DPH7: variants seen among roughly 807,000 people sequenced by gnomAD.
DPH7 encodes the protein diphthine methyltransferase.
A neutral mutation model predicts 41.7 loss-of-function variants in DPH7; 44 were observed. That is an observed-to-expected ratio of 1.05 (90% CI 0.83 to 1.36). The LOEUF is 1.36. DPH7 is among the 40% of genes most tolerant of loss of function. The pLI, the probability that DPH7 is intolerant of heterozygous loss-of-function variation, is 0.00. For missense variants in DPH7, 629 were observed against 577.5 expected, an observed-to-expected ratio of 1.09 and a Z score of -0.91; for synonymous variants, 275 against 238.0, an observed-to-expected ratio of 1.16 and a Z score of -1.43.
At position 137,577,491 on chromosome 9, in the gene DPH7, G is replaced by T. The variant is rs1009387887; in HGVS notation, c.266C>A (p.Ser89Tyr). ...ATACCATTTCATGTCCAGGATTGCA[G>T]AAGTATCTTTTCTTTGGACCTCGAC... ...PLVEVQRKDTSAILDMKWCHI... is the reference protein window; with the variant it reads ...PLVEVQRKDTYAILDMKWCHI... The change falls in exon 2 of 9, where the codon TCT (serine) becomes TAT (tyrosine). Residue 89 changes from serine (S) to tyrosine (Y), a missense_variant. Physicochemically the swap from Ser to Tyr is moderately radical, Grantham distance 144. Coordinates refer to ENST00000277540, the MANE Select transcript of DPH7 (RefSeq NM_138778.5). 1.2e-6 allele frequency: 2 copies of T among 1,613,948 alleles called. No individual in the cohort carries two copies. The highest frequency in any genetic ancestry group is 1.7e-5 in the Admixed American group (1 of 60,004).
rs1163605128 is a variant in DPH7 at position 137,564,949 on chromosome 9, C to A, written c.720G>T (p.Met240Ile). The A allele has an allele frequency of 1.3e-6, 2 of 1,595,896 alleles. No individual in the cohort carries two copies. Among genetic ancestry groups the A allele is most frequent in the Non-Finnish European group, 8.5e-7 (1 of 1,171,164 alleles). ...GGCTGCTCTGGATGCTGCACACACC[C>A]ATGGTGTGTCTGCAAGCAGAGGCGG... ...KFLFTSKRHT[M>I]GVCSIQSSPH... The change falls in exon 7 of 9, where the codon ATG (methionine) becomes ATT (isoleucine). Residue 240 changes from methionine to isoleucine, a missense_variant. Coordinates refer to ENST00000277540, the MANE Select transcript of DPH7 (RefSeq NM_138778.5).
At position 137,555,073 on chromosome 9, in the gene DPH7, A is replaced by C; in HGVS notation, c.*166T>G. ...TCCACTTTCAGGGGCCCAGCAGGGA[A>C]GCTGATTTAAGAGAAGTCAACAGCT... On this transcript the variant is annotated 3_prime_UTR_variant, in exon 9 of 9. Transcript: ENST00000277540. 2.5e-6 allele frequency: 2 copies of C among 791,804 alleles called. No homozygotes were observed. Among genetic ancestry groups the C allele is most frequent in the Non-Finnish European group, 3.6e-6 (2 of 549,956 alleles). The allele number at this position is 791,804 out of a possible 1,614,324, so 49.0% of individuals were successfully genotyped here. A position where few individuals can be genotyped will look rare whatever the true frequency, so the allele number is the denominator to read the frequency against.
rs1238451105 is a variant in DPH7, at chr9:137,576,152, C to T, written c.303G>A (p.Val101=). 3.7e-6 allele frequency: 6 copies of T among 1,613,706 alleles called. No individual in the cohort carries two copies. In the Admixed American group the frequency reaches 1.0e-4, roughly 27 times the overall value. ...CCAAGCCCAAGAGGGCATGTCCAGC[C>T]ACCGGGATGTGACACCTGAGGAGAG... ...ILDMKWCHIP[V]AGHALLGLAD... The change falls in exon 3 of 9, where the codon GTG becomes GTA. Residue 101 remains valine (V), a synonymous_variant. Transcript: ENST00000277540.
At chr9:137,559,591 GC>G (rs1299084826) in intron 8 of DPH7, among the ~76,000 whole-genome samples, 1 of 152,192 alleles carries the variant, frequency 6.6e-6, no homozygotes, top group Non-Finnish European at 1.5e-5. Context: ...ACCTGGCTCT[GC>G]CTTCTAGATA....
At chr9:137,571,194 T>A (rs1017135304) in intron 5 of DPH7, among the ~76,000 whole-genome samples, 16 of 143,874 alleles carry the variant, frequency 1.1e-4, no homozygotes, top group African/African-American at 2.2e-4. Flanking sequence ...TATAAATAAA[T>A]TTTTTTTTTT....
At position 137,564,404 on chromosome 9, in the gene DPH7, G is replaced by A. The variant is rs758331561; in HGVS notation, c.949+30C>T. The A allele has an allele frequency of 9.4e-6, 15 of 1,597,108 alleles. No homozygotes were observed. In the Admixed American group the frequency reaches 1.5e-4, roughly 16 times the overall value. On this transcript the variant is annotated intron_variant, in intron 8 of 8. Transcript: ENST00000277540. ...GGGCAGGGAACTGGTGCCCTGCCCT[G>A]AGGCCCAGCAGCCACGGGTCCCCAC... is the stretch of plus-strand genomic sequence containing the variant.
rs551494446 is a variant in DPH7, at chr9:137,576,437, T to C, written c.288-270A>G. ...GAAAAGATACAGTAAGAATACAATA[T>C]AAAGGATAAAAAACAGGTGGCCGGG... is the stretch of plus-strand genomic sequence containing the variant. On this transcript the variant is annotated intron_variant, in intron 2 of 8. Coordinates refer to ENST00000277540, the MANE Select transcript of DPH7 (RefSeq NM_138778.5). 6.4e-5 allele frequency: 27 copies of C among 421,630 alleles called. No homozygotes were observed. The East Asian group carries it at 7.8e-4, about 12-fold the overall frequency. The allele number at this position is 421,630 out of a possible 1,614,324, so 26.1% of individuals were successfully genotyped here.
At chr9:137,575,934 G>A in intron 3 of DPH7, 146 bp downstream of exon 3, 1 of 1,457,220 alleles carries the variant, frequency 6.9e-7, no homozygotes, top group Non-Finnish European at 9.0e-7. Context: ...CTTAAAAATA[G>A]ACTCCACATT....
In DPH7 at chr9:137,578,760, GGCGAAACA is replaced by G; in HGVS notation, c.10_17del (p.Cys4ProfsTer51). On this transcript the variant is annotated frameshift_variant, in exon 1 of 9. Transcript: ENST00000277540. LOFTEE classifies it high-confidence loss of function. ...TCAGCTCGGTGTCCACCGTTTGCAG[GGCGAAACA>G]GCCCATCATCCAGCCCTCGGGGAAG... The G allele has an allele frequency of 2.6e-6, 4 of 1,514,404 alleles. No homozygotes were observed. Among genetic ancestry groups the G allele is most frequent in the Non-Finnish European group, 3.5e-6 (4 of 1,133,104 alleles). The allele number at this position is 1,514,404 out of a possible 1,614,324, so 93.8% of individuals were successfully genotyped here.
intron 5 of DPH7, among the ~76,000 whole-genome samples, chr9:137,573,738 T>C (rs1269500467): frequency 1.6e-5 from 2 of 123,814 alleles, no homozygotes; most frequent in Non-Finnish European, 3.4e-5. Flanking sequence ...GCGCCAACTA[T>C]AGCCTTTGTT....
intron 8 of DPH7, among the ~76,000 whole-genome samples, chr9:137,563,974 G>A (rs113570596): frequency 6.6e-6 from 1 of 152,192 alleles, no homozygotes. Flanking sequence ...AGAGGTGCTT[G>A]TTCCCAACAA....
chr9:137,578,861 GGGGCCGGCCGGA>G lies in DPH7; in HGVS notation c.-96_-85del. 7.7e-7 allele frequency: 1 copy of G among 1,294,816 alleles called. No homozygotes were observed. The highest frequency in any genetic ancestry group is 1.6e-5 in the African/African-American group (1 of 64,266). 80.2% of individuals were successfully genotyped at this position (1,294,816 alleles called of 1,614,324 possible). ...GGGTACTGCGCGGGGCGGCGAGGCC[GGGGCCGGCCGGA>G]CGAGCGCAGAGCCCCAGGGACACCG... is the stretch of plus-strand genomic sequence containing the variant. On this transcript the variant is annotated 5_prime_UTR_variant, in exon 1 of 9. Coordinates refer to ENST00000277540, the MANE Select transcript of DPH7 (RefSeq NM_138778.5).
intron 8 of DPH7, among the ~76,000 whole-genome samples, chr9:137,557,272 C>G (rs1470531034): frequency 6.6e-6 from 1 of 152,186 alleles, no homozygotes; most frequent in African/African-American, 2.4e-5. Context: ...CTTTGGGAAG[C>G]CAAGGCGGGT....
chr9:137,557,797 C>T (rs556374697), intron 8 of DPH7, among the ~76,000 whole-genome samples: 21 of 149,786 alleles, frequency 1.4e-4, no homozygotes, highest in Admixed American at 2.7e-4. Context: ...CCAGCCTGGG[C>T]GACAGAGCAA....
intron 5 of DPH7, among the ~76,000 whole-genome samples, chr9:137,571,085 G>T (rs769537627): frequency 9.2e-5 from 14 of 152,162 alleles, no homozygotes; most frequent in Non-Finnish European, 7.4e-5. Context: ...TTGACCCTGG[G>T]AGGTTAAGGC....
chr9:137,561,315 T>C (rs1838541334), intron 8 of DPH7, among the ~76,000 whole-genome samples: 1 of 152,202 alleles, frequency 6.6e-6, no homozygotes, highest in African/African-American at 2.4e-5. Context: ...ACAGCGCCAC[T>C]TTCACAGGTT....
intron 3 of DPH7, 137 bp downstream of exon 3, chr9:137,575,943 T>G (rs1427955419): frequency 2.0e-6 from 3 of 1,479,976 alleles, no homozygotes; most frequent in Admixed American, 2.3e-5. Context: ...AGACTCCACA[T>G]TATCTTAGAA....
At chr9:137,575,672 A>G (rs1841259788) in intron 3 of DPH7, 1 of 1,035,376 alleles carries the variant, frequency 9.7e-7, no homozygotes, top group South Asian at 3.6e-5. Context: ...GCTCCAGAGC[A>G]CTGTGAGAAA....
rs1395331129 is a variant in DPH7 at position 137,554,707 on chromosome 9, G to T, written c.*532C>A. On this transcript the variant is annotated 3_prime_UTR_variant, in exon 9 of 9. Transcript: ENST00000277540. The stretch of plus-strand genomic sequence containing the variant: ...CTCCTGCCTCAGCCCCTTCCAAAGT[G>T]CTGGGATTACAGGCCACTGTGACTG... 6.6e-6 allele frequency among the ~76,000 whole-genome samples: 1 copy of T among 152,124 alleles called. No homozygotes were observed. Among genetic ancestry groups the T allele is most frequent in the Non-Finnish European group, 1.5e-5 (1 of 68,026 alleles).
Sources: gnomAD v4.1 joint callset for allele counts (sites outside exome capture counted in the v4.1 genomes callset) on GRCh38, gnomAD v4.1.1 for gene constraint, MANE v1.5 for transcripts, NCBI Gene and HGNC (gene_info 2026-07-23, HGNC 2026-07-21) for gene names.